The following PGR variants were observed in gnomAD, a reference collection of about 807,000 sequenced individuals.
PGR encodes progesterone receptor, also known as nuclear receptor subfamily 3 group C member 3.
In PGR, 25 loss-of-function variants were observed where a neutral mutation model predicts 76.1. The ratio of observed to expected loss-of-function variants is 0.33; its 90% CI spans 0.24 to 0.46. The LOEUF (loss-of-function observed/expected upper bound fraction) is 0.46. PGR is among the 20% of genes least tolerant of loss of function. PGR has a pLI of 1.00. For missense variants in PGR, 1,172 were observed against 1,225.3 expected (o/e 0.96, Z 0.65); for synonymous variants, 579 against 535.0 (o/e 1.08, Z -1.14).
chr11:101,073,444 C>A (rs781617851), intron 3 of PGR, among the ~76,000 whole-genome samples: 4 of 151,744 alleles, frequency 2.6e-5, no homozygotes, highest in South Asian at 4.2e-4. Flanking sequence ...CAAACAAATT[C>A]AAAAGCTAGC....
chr11:101,039,362 T>G (rs1591364220), intron 7 of PGR, 91 bp from the exon 8 acceptor site: 2 of 960,744 alleles, frequency 2.1e-6, no homozygotes, highest in East Asian at 2.6e-5. Flanking sequence ...TCTAACTATT[T>G]ATAATATAAA....
At chr11:101,061,914 A>G (rs150259557) in intron 4 of PGR, among the ~76,000 whole-genome samples, 1 of 152,342 alleles carries the variant, frequency 6.6e-6, no homozygotes, top group Non-Finnish European at 1.5e-5. Context: ...GGTATAAATT[A>G]GAGGAATAGT....
At chr11:101,088,300 C>T (rs564532746) in intron 3 of PGR, among the ~76,000 whole-genome samples, 1 of 152,204 alleles carries the variant, frequency 6.6e-6, no homozygotes, top group South Asian at 2.1e-4. Flanking sequence ...ATTAGTTCTG[C>T]CACGGTAGAA....
chr11:101,086,492 T>C (rs370598827), intron 3 of PGR, among the ~76,000 whole-genome samples: 2 of 152,016 alleles, frequency 1.3e-5, no homozygotes, highest in African/African-American at 4.8e-5. Context: ...TCAGACTGAA[T>C]GGGCAAAAGC....
At chr11:101,071,837 C>T (rs943681765) in intron 3 of PGR, among the ~76,000 whole-genome samples, 1 of 151,898 alleles carries the variant, frequency 6.6e-6, no homozygotes, top group Admixed American at 6.6e-5. Context: ...GTGAAAAGAC[C>T]AAACTTACGT....
intron 2 of PGR, among the ~76,000 whole-genome samples, chr11:101,099,974 C>A (rs1038936628): frequency 6.6e-6 from 1 of 152,182 alleles, no homozygotes; most frequent in African/African-American, 2.4e-5. Flanking sequence ...AGGCTTCAAG[C>A]TCAAAGCAGT....
At chr11:101,068,230 GACAA>G (rs1413622917) in intron 3 of PGR, among the ~76,000 whole-genome samples, 2 of 151,970 alleles carry the variant, frequency 1.3e-5, no homozygotes, top group Non-Finnish European at 2.9e-5. Flanking sequence ...ACCAATAATA[GACAA>G]ACAGAGAGCC....
rs1374620468 is a variant in PGR at position 101,034,186 on chromosome 11, C to G, written c.*4930G>C. 1 of 224,436 alleles carries G rather than the reference C, an allele frequency of 4.5e-6. No homozygotes were observed. Among genetic ancestry groups the G allele is most frequent in the Non-Finnish European group, 8.9e-6 (1 of 112,578 alleles). 13.9% of individuals were successfully genotyped at this position (224,436 alleles called of 1,614,324 possible). ...CATGTCTCCATGAGTGGAAAAAAAG[C>G]AAACAAACCTGTGTTTAACAATAAG... On this transcript the variant is annotated 3_prime_UTR_variant, in exon 8 of 8. Transcript: ENST00000325455.
chr11:101,115,800 A>G (rs1862486527), intron 2 of PGR, among the ~76,000 whole-genome samples: 1 of 152,070 alleles, frequency 6.6e-6, no homozygotes, highest in East Asian at 1.9e-4. Context: ...AATGATAAGA[A>G]TTGTTTATAA....
intron 3 of PGR, among the ~76,000 whole-genome samples, chr11:101,072,351 C>T (rs551319778): frequency 8.6e-4 from 131 of 152,006 alleles, no homozygotes; most frequent in Non-Finnish European, 1.8e-4. Context: ...AAGGAACAAC[C>T]GGTACCAGCC....
In PGR at chr11:101,029,835, G is replaced by A. The variant is rs1162277102; in HGVS notation, c.*9281C>T. ...CTACACTTAGTTTAAAAACAGAGATGGGATTTTGCATATTAGCTTGAAAAT... is the reference window on the plus strand; with the variant it reads ...CTACACTTAGTTTAAAAACAGAGATAGGATTTTGCATATTAGCTTGAAAAT... On this transcript the variant is annotated 3_prime_UTR_variant, in exon 8 of 8. Coordinates refer to ENST00000325455, the MANE Select transcript of PGR (RefSeq NM_000926.4). 2 of 220,670 alleles carry A rather than the reference G, an allele frequency of 9.1e-6. No individual in the cohort carries two copies. Among genetic ancestry groups the A allele is most frequent in the Non-Finnish European group, 1.8e-5 (2 of 110,232 alleles). 13.7% of individuals were successfully genotyped at this position (220,670 alleles called of 1,614,324 possible).
In PGR at chr11:101,127,898, C is replaced by T. The variant is rs1862926614; in HGVS notation, c.1173G>A (p.Glu391=). The T allele has an allele frequency of 3.1e-6, 5 of 1,608,202 alleles. No homozygotes were observed. Among genetic ancestry groups the T allele is most frequent in the Non-Finnish European group, 4.2e-6 (5 of 1,178,324 alleles). The change falls in exon 1 of 8, where the codon GAG becomes GAA. Residue 391 remains glutamate (E), a synonymous_variant. Transcript: ENST00000325455. ...QPPALKIKEE[E]EGAEASARSP... ...AGCGCGCGGAGGCCTCCGCGCCTTC[C>T]TCCTCCTCCTTTATCTTTAGAGCGG...
At chr11:101,127,253 G>A (rs1322583859) in intron 1 of PGR, among the ~76,000 whole-genome samples, 181 bp downstream of exon 1, 1 of 152,180 alleles carries the variant, frequency 6.6e-6, no homozygotes, top group Non-Finnish European at 1.5e-5. Context: ...CCAAGAGTGA[G>A]GAGAGGAGGG....
intron 2 of PGR, among the ~76,000 whole-genome samples, chr11:101,124,309 G>A (rs564143137): frequency 5.3e-5 from 8 of 152,262 alleles, no homozygotes; most frequent in African/African-American, 1.4e-4. Context: ...TTGTATTTTA[G>A]TTAGGGTGCT....
chr11:101,063,170 A>G (rs892474012), intron 3 of PGR: 3 of 156,416 alleles, frequency 1.9e-5, no homozygotes, highest in African/African-American at 7.2e-5. Context: ...ATTAATTGAA[A>G]CTTAGTCTAT....
chr11:101,093,060 T>A (rs977636862), intron 2 of PGR, among the ~76,000 whole-genome samples: 2 of 152,174 alleles, frequency 1.3e-5, no homozygotes, highest in African/African-American at 4.8e-5. Context: ...ACAGCTGATA[T>A]CAAGAAGGTT....
intron 3 of PGR, among the ~76,000 whole-genome samples, chr11:101,074,351 C>CT (rs1326210949): frequency 1.3e-5 from 2 of 152,086 alleles, no homozygotes; most frequent in Non-Finnish European, 2.9e-5. Flanking sequence ...CTATTTATGG[C>CT]AAACCCACAG....
intron 3 of PGR, among the ~76,000 whole-genome samples, chr11:101,076,323 G>C (rs1056188840): frequency 3.3e-5 from 5 of 151,576 alleles, no homozygotes; most frequent in Non-Finnish European, 7.4e-5. Context: ...TCGGGGGGTG[G>C]GGGGCTAAGG....
chr11:101,094,926 T>C (rs2135461383), intron 2 of PGR, among the ~76,000 whole-genome samples: 1 of 152,280 alleles, frequency 6.6e-6, no homozygotes, highest in East Asian at 1.9e-4. Flanking sequence ...CTTTTTATCC[T>C]TTCTGCCATG....
Sources: gnomAD v4.1 joint callset for allele counts (sites outside exome capture counted in the v4.1 genomes callset) on GRCh38, gnomAD v4.1.1 for gene constraint, MANE v1.5 for transcripts, NCBI Gene and HGNC (gene_info 2026-07-23, HGNC 2026-07-21) for gene names.